CCDC134: variants seen among roughly 807,000 people sequenced by gnomAD.
CCDC134 encodes coiled-coil domain-containing protein 134.
CCDC134 carries 27 observed loss-of-function variants against 25.6 expected under a neutral mutation model. The ratio of observed to expected loss-of-function variants is 1.05; its 90% CI spans 0.78 to 1.45. The LOEUF (loss-of-function observed/expected upper bound fraction) is 1.45, where lower values mean the gene tolerates loss of function less well. Among genes scored for constraint, CCDC134 ranks in the 40% most tolerant of loss-of-function variants. The pLI, the probability that CCDC134 is intolerant of heterozygous loss-of-function variation, is 0.00. For missense variants in CCDC134, 261 were observed against 286.7 expected, an observed-to-expected ratio of 0.91 and a Z score of 0.65; for synonymous variants, 110 against 115.0, an observed-to-expected ratio of 0.96 and a Z score of 0.28.
rs528270230 is a variant in CCDC134, at chr22:41,830,226, A to G, written c.*4403A>G. 6.6e-6 allele frequency among the ~76,000 whole-genome samples: 1 copy of G among 152,308 alleles called. No homozygotes were observed. Among genetic ancestry groups the G allele is most frequent in the African/African-American group, 2.4e-5 (1 of 41,570 alleles). On this transcript the variant is annotated 3_prime_UTR_variant, in exon 7 of 7. Coordinates refer to ENST00000255784, the MANE Select transcript of CCDC134 (RefSeq NM_024821.5). The stretch of plus-strand genomic sequence containing the variant: ...ACATGGGATCCAGGGCCAGAGGGAA[A>G]ATATCAGTGCTTCCTGAGGTTCGGG...
At chr22:41,819,546 C>A (rs1240731365) in intron 6 of CCDC134, among the ~76,000 whole-genome samples, 3 of 152,184 alleles carry the variant, frequency 2.0e-5, no homozygotes, top group Non-Finnish European at 4.4e-5. Flanking sequence ...CTTGGGGAAG[C>A]AGGCTAGCCC....
Position 41,800,697 on chromosome 22 carries a change from C to T in CCDC134, c.-86C>T, listed in dbSNP as rs1441191240. On this transcript the variant is annotated 5_prime_UTR_variant, in exon 1 of 7. Coordinates refer to ENST00000255784, the MANE Select transcript of CCDC134 (RefSeq NM_024821.5). Reference sequence around the variant, plus strand: ...CGCTTTCAGTTGCTTTGCTGTTAGCCTGTTGGACCTTCGAGCCTAGCTGCT... The same window carrying T: ...CGCTTTCAGTTGCTTTGCTGTTAGCTTGTTGGACCTTCGAGCCTAGCTGCT... The T allele has an allele frequency of 6.6e-6, 1 of 152,400 alleles. No individual in the cohort carries two copies. Among genetic ancestry groups the T allele is most frequent in the East Asian group, 1.9e-4 (1 of 5,208 alleles). 9.4% of individuals were successfully genotyped at this position (152,400 alleles called of 1,614,324 possible).
At chr22:41,816,255 G>A (rs2148314650) in intron 6 of CCDC134, among the ~76,000 whole-genome samples, 1 of 152,334 alleles carries the variant, frequency 6.6e-6, no homozygotes, top group South Asian at 2.1e-4. Context: ...CCTGAGGGCA[G>A]TGTCACTGTG....
rs1602248672 is a variant in CCDC134, at chr22:41,827,004, A to T, written c.*1181A>T. Among the ~76,000 whole-genome samples, 1 of 152,062 alleles carries T rather than the reference A, an allele frequency of 6.6e-6. No individual in the cohort carries two copies. The highest frequency in any genetic ancestry group is 1.5e-5 in the Non-Finnish European group (1 of 68,004). On this transcript the variant is annotated 3_prime_UTR_variant, in exon 7 of 7. Transcript: ENST00000255784. Reference sequence around the variant, plus strand: ...CAGATTTGCTGACTGGCCTTGGCCCACCCCTCCCTGTGCTGCAGCTTCATT... The same window carrying T: ...CAGATTTGCTGACTGGCCTTGGCCCTCCCCTCCCTGTGCTGCAGCTTCATT...
rs149282279 is a variant in CCDC134 at position 41,816,786 on chromosome 22, C to T, written c.564+2964C>T. The stretch of plus-strand genomic sequence containing the variant: ...TACAAAAATTATCCGGGTGTGGTGG[C>T]GCATGCCTGGAGTCCTGGCTACTCA... On this transcript the variant is annotated intron_variant, in intron 6 of 6. Transcript: ENST00000255784. Among the ~76,000 whole-genome samples, 243 of 152,172 alleles carry T rather than the reference C, an allele frequency of 1.6e-3. 1 individual carries two copies. The highest frequency in any genetic ancestry group is 5.8e-3 in the African/African-American group (239 of 41,520).
In CCDC134 at chr22:41,828,880, AGTG is replaced by A. The variant is rs1185898544; in HGVS notation, c.*3061_*3063del. Among the ~76,000 whole-genome samples the A allele has an allele frequency of 6.6e-6, 1 of 152,186 alleles. No homozygotes were observed. Among genetic ancestry groups the A allele is most frequent in the Non-Finnish European group, 1.5e-5 (1 of 68,038 alleles). Reference sequence around the variant, plus strand: ...TGCCAGGGTGCCCAGTGGTGGCAACAGTGGTGTTTTCAGTGTGATCTTGGACAT... The same window carrying A: ...TGCCAGGGTGCCCAGTGGTGGCAACAGTGTTTTCAGTGTGATCTTGGACAT... On this transcript the variant is annotated 3_prime_UTR_variant, in exon 7 of 7. Coordinates refer to ENST00000255784, the MANE Select transcript of CCDC134 (RefSeq NM_024821.5).
At position 41,831,954 on chromosome 22, in the gene CCDC134, A is replaced by G. The variant is rs918304680; in HGVS notation, c.*6131A>G. On this transcript the variant is annotated 3_prime_UTR_variant, in exon 7 of 7. Transcript: ENST00000255784. ...ATGCTATTTTATCCCCATTTTAGAGATGACTAAACTGAGGCTTAGAACAAT... is the reference window on the plus strand; with the variant it reads ...ATGCTATTTTATCCCCATTTTAGAGGTGACTAAACTGAGGCTTAGAACAAT... The G allele has an allele frequency of 2.0e-5, 3 of 152,166 alleles. No individual in the cohort carries two copies. Among genetic ancestry groups the G allele is most frequent in the African/African-American group, 7.2e-5 (3 of 41,430 alleles). 9.4% of individuals were successfully genotyped at this position (152,166 alleles called of 1,614,324 possible).
At chr22:41,810,080 G>A (rs4512) in intron 3 of CCDC134, 80 bp downstream of exon 3, 15 of 1,600,638 alleles carry the variant, frequency 9.4e-6, no homozygotes, top group South Asian at 3.3e-5. Flanking sequence ...GTTCCCTAAC[G>A]GGTTGGTGTT....
rs146580834 is a variant in CCDC134 at position 41,810,015 on chromosome 22, G to A, written c.225+15G>A. On this transcript the variant is annotated intron_variant, in intron 3 of 6. Coordinates refer to ENST00000255784, the MANE Select transcript of CCDC134 (RefSeq NM_024821.5). ...GGCTCTTTAAGGTGTGTGCAGGCAG[G>A]GGGCAGCTCATGGCAGGTCCAGTCT... 3 of 1,613,854 alleles carry A rather than the reference G, an allele frequency of 1.9e-6. No individual in the cohort carries two copies. Among genetic ancestry groups the A allele is most frequent in the Non-Finnish European group, 2.5e-6 (3 of 1,179,894 alleles).
In CCDC134 at chr22:41,827,193, G is replaced by C. The variant is rs931099713; in HGVS notation, c.*1370G>C. 6.6e-6 allele frequency among the ~76,000 whole-genome samples: 1 copy of C among 152,234 alleles called. No individual in the cohort carries two copies. Among genetic ancestry groups the C allele is most frequent in the Non-Finnish European group, 1.5e-5 (1 of 68,044 alleles). On this transcript the variant is annotated 3_prime_UTR_variant, in exon 7 of 7. Coordinates refer to ENST00000255784, the MANE Select transcript of CCDC134 (RefSeq NM_024821.5). ...GCACCCATCAGTTACTCGGAAGTAA[G>C]GGGACAAGAAGCAGCTGGAAGAGAG...
Position 41,828,294 on chromosome 22 carries a change from T to C in CCDC134, c.*2471T>C, listed in dbSNP as rs947376375. Among the ~76,000 whole-genome samples, 8 of 152,106 alleles carry C rather than the reference T, an allele frequency of 5.3e-5. No homozygotes were observed. Among genetic ancestry groups the C allele is most frequent in the African/African-American group, 1.9e-4 (8 of 41,408 alleles). Reference sequence around the variant, plus strand: ...CCCCCCATCTCAGAATGCCCAGTGGTTGAAAGGATGAAACCTGGAATTTAA... The same window carrying C: ...CCCCCCATCTCAGAATGCCCAGTGGCTGAAAGGATGAAACCTGGAATTTAA... On this transcript the variant is annotated 3_prime_UTR_variant, in exon 7 of 7. Coordinates refer to ENST00000255784, the MANE Select transcript of CCDC134 (RefSeq NM_024821.5).
chr22:41,824,177 A>G (rs2076665147), intron 6 of CCDC134, among the ~76,000 whole-genome samples: 1 of 152,176 alleles, frequency 6.6e-6, no homozygotes. Flanking sequence ...CACCACCAGG[A>G]GCAGCCCCTC....
rs988702884 is a variant in CCDC134 at position 41,825,559 on chromosome 22, A to T, written c.565-139A>T. On this transcript the variant is annotated intron_variant, in intron 6 of 6. Transcript: ENST00000255784. This position sits in a 1 kb window ranked among gnomAD's most constrained non-coding sequence, Gnocchi z 4.4. ...AACACCCACTCAGCAGTTCTCCCAA[A>T]CCCATTTCCTGTCTCCGTGTCTGGG... The T allele has an allele frequency of 6.2e-6, 7 of 1,130,226 alleles. No individual in the cohort carries two copies. The highest frequency in any genetic ancestry group is 8.8e-6 in the Non-Finnish European group (7 of 797,198). The allele number at this position is 1,130,226 out of a possible 1,614,324, so 70.0% of individuals were successfully genotyped here. A position where few individuals can be genotyped will look rare whatever the true frequency, so the allele number is the denominator to read the frequency against.
chr22:41,826,655 G>C lies in CCDC134; in HGVS notation c.*832G>C, dbSNP rs2076680939. ...TCAACCTGTGGGTGGGGGGCTGCAG[G>C]GGGACAGGCCGCAGCCCTGCAGGAG... On this transcript the variant is annotated 3_prime_UTR_variant, in exon 7 of 7. Transcript: ENST00000255784. 6.6e-6 allele frequency among the ~76,000 whole-genome samples: 1 copy of C among 152,180 alleles called. No individual in the cohort carries two copies. The highest frequency in any genetic ancestry group is 1.5e-5 in the Non-Finnish European group (1 of 68,012).
At chr22:41,807,893 G>A (rs922724321) in intron 1 of CCDC134, among the ~76,000 whole-genome samples, 6 of 152,124 alleles carry the variant, frequency 3.9e-5, no homozygotes, top group African/African-American at 1.4e-4. Flanking sequence ...CGGGCGCGGT[G>A]GCTCACATCT....
At chr22:41,802,014 G>C (rs887214353) in intron 1 of CCDC134, among the ~76,000 whole-genome samples, 2 of 152,236 alleles carry the variant, frequency 1.3e-5, no homozygotes, top group African/African-American at 2.4e-5. Context: ...TTGCAGGGCA[G>C]ATGTCCTCAC....
At chr22:41,802,123 C>A (rs1345648078) in intron 1 of CCDC134, among the ~76,000 whole-genome samples, 3 of 152,038 alleles carry the variant, frequency 2.0e-5, no homozygotes, top group African/African-American at 7.3e-5. Context: ...GCATAAGAAC[C>A]CTCTTTTCAC....
chr22:41,832,111 T>G lies in CCDC134; in HGVS notation c.*6288T>G, dbSNP rs560195755. The G allele has an allele frequency of 6.6e-6, 1 of 152,336 alleles. No individual in the cohort carries two copies. The highest frequency in any genetic ancestry group is 2.1e-4 in the South Asian group (1 of 4,826). 9.4% of individuals were successfully genotyped at this position (152,336 alleles called of 1,614,324 possible). The stretch of plus-strand genomic sequence containing the variant: ...AGGAAACTTCAACTTTTCCCTTTTA[T>G]CAATATATTGTGAACGCCTTTTCTT... On this transcript the variant is annotated 3_prime_UTR_variant, in exon 7 of 7. Transcript: ENST00000255784.
chr22:41,815,838 C>T (rs2076620411), intron 6 of CCDC134, among the ~76,000 whole-genome samples: 1 of 151,918 alleles, frequency 6.6e-6, no homozygotes, highest in South Asian at 2.1e-4. Flanking sequence ...TTTTCAGAGA[C>T]AGGTTCTTGC....
Sources: allele counts gnomAD v4.1 joint callset (sites outside exome capture counted in the v4.1 genomes callset), GRCh38; gene constraint gnomAD v4.1.1; non-coding constraint Gnocchi (gnomAD v3.1); transcripts MANE v1.5; gene names NCBI Gene and HGNC (gene_info 2026-07-23, HGNC 2026-07-21).